Variants in MAP3K21 observed in about 807,000 individuals in gnomAD.
MAP3K21 encodes the protein mitogen-activated protein kinase kinase kinase MLK4.
Under a neutral mutation model 86.1 loss-of-function variants are expected in MAP3K21, and 63 were observed. The observed-to-expected ratio is 0.73, with a 90% CI of 0.60 to 0.90. The LOEUF is 0.90. MAP3K21 is among the 40% of genes least tolerant of loss of function. MAP3K21 has a pLI of 0.00. For missense variants in MAP3K21, 1,220 were observed against 1,367.7 expected, an observed-to-expected ratio of 0.89 and a Z score of 1.70; for synonymous variants, 558 against 564.8, an observed-to-expected ratio of 0.99 and a Z score of 0.17.
rs1373486260 is a variant in MAP3K21, at chr1:233,384,899, A to G, written c.*2188A>G. On this transcript the variant is annotated 3_prime_UTR_variant, in exon 10 of 10. Transcript: ENST00000366624. ...CTGCAGATAGTTAACTTTTGCTGCA[A>G]TCTATTGTACATTTGCAATTTTCTG... 4 of 152,212 alleles carry G rather than the reference A, an allele frequency of 2.6e-5. No homozygotes were observed. The highest frequency in any genetic ancestry group is 9.6e-5 in the African/African-American group (4 of 41,472). 9.4% of individuals were successfully genotyped at this position (152,212 alleles called of 1,614,324 possible).
intron 9 of MAP3K21, among the ~76,000 whole-genome samples, chr1:233,379,924 A>G (rs1663882368): frequency 6.6e-6 from 1 of 152,144 alleles, no homozygotes; most frequent in Admixed American, 6.5e-5. Context: ...AGTAACTGAA[A>G]CCTATAATAG....
chr1:233,365,831 C>A (rs930803242), intron 5 of MAP3K21, among the ~76,000 whole-genome samples: 1 of 151,994 alleles, frequency 6.6e-6, no homozygotes. Context: ...CCAGGAATTC[C>A]ACTACCAGGT....
At chr1:233,347,572 G>A (rs931619515) in intron 2 of MAP3K21, among the ~76,000 whole-genome samples, 1 of 152,172 alleles carries the variant, frequency 6.6e-6, no homozygotes, top group African/African-American at 2.4e-5. Context: ...GTGGAATCAC[G>A]TCCTTTGCAA....
rs571326707 is a variant in MAP3K21 at position 233,369,929 on chromosome 1, G to T, written c.1553-2109G>T. On this transcript the variant is annotated intron_variant, in intron 5 of 9. Coordinates refer to ENST00000366624, the MANE Select transcript of MAP3K21 (RefSeq NM_032435.3). ...GAAAGAAGAACTCAGGCTCAGGTTTGCAGGGACTTCCAGAATGTGTTACAG... is the reference window on the plus strand; with the variant it reads ...GAAAGAAGAACTCAGGCTCAGGTTTTCAGGGACTTCCAGAATGTGTTACAG... Among the ~76,000 whole-genome samples the T allele has an allele frequency of 3.0e-4, 45 of 152,310 alleles. 1 individual carries two copies. The South Asian group carries it at 9.3e-3, about 32-fold the overall frequency.
intron 6 of MAP3K21, 93 bp from the exon 7 acceptor site, chr1:233,375,823 C>A: frequency 1.1e-6 from 1 of 947,366 alleles, no homozygotes; most frequent in Non-Finnish European, 1.6e-6. Context: ...AAGGTAGTTT[C>A]ACAACTGATA....
At chr1:233,349,761 A>C (rs1663213658) in intron 2 of MAP3K21, among the ~76,000 whole-genome samples, 1 of 151,964 alleles carries the variant, frequency 6.6e-6, no homozygotes, top group African/African-American at 2.4e-5. Flanking sequence ...ACATGGTGAA[A>C]CCCCGTCTCT....
At chr1:233,334,095 G>A (rs1169621217) in intron 1 of MAP3K21, among the ~76,000 whole-genome samples, 1 of 151,568 alleles carries the variant, frequency 6.6e-6, no homozygotes, top group African/African-American at 2.4e-5. Context: ...TTGATCTCCT[G>A]ACCTCGTGAT....
intron 4 of MAP3K21, among the ~76,000 whole-genome samples, chr1:233,361,102 A>G (rs1663458909): frequency 6.6e-6 from 1 of 152,260 alleles, no homozygotes; most frequent in Non-Finnish European, 1.5e-5. Flanking sequence ...AAGAATATTT[A>G]TGTCTCTGGT....
intron 6 of MAP3K21, among the ~76,000 whole-genome samples, chr1:233,375,355 C>A (rs1558463212): frequency 6.6e-6 from 1 of 152,072 alleles, no homozygotes; most frequent in Non-Finnish European, 1.5e-5. Context: ...AAAAGCAAGA[C>A]ATGGAAAACT....
chr1:233,355,060 A>G (rs751237596), intron 4 of MAP3K21, 49 bp downstream of exon 4: 5 of 1,377,618 alleles, frequency 3.6e-6, no homozygotes, highest in Non-Finnish European at 5.1e-6. Flanking sequence ...TATGAAAACT[A>G]TGGAAAATAT....
At chr1:233,363,689 C>T (rs570847329) in intron 5 of MAP3K21, among the ~76,000 whole-genome samples, 12 of 112,178 alleles carry the variant, frequency 1.1e-4, no homozygotes, top group African/African-American at 3.6e-4. Context: ...GTGACAAGAG[C>T]GAAACTCTGT....
Position 233,375,983 on chromosome 1 carries a change from T to G in MAP3K21, c.1743T>G (p.Asp581Glu). The G allele has an allele frequency of 6.2e-7, 1 of 1,608,868 alleles. No homozygotes were observed. The highest frequency in any genetic ancestry group is 1.1e-5 in the South Asian group (1 of 89,456). ...NTVFRQEEFE[D>E]VKRNFKKKGC... ...TCTTTCGACAAGAAGAATTTGAGGA[T>G]GTAAAAAGGAATTTTAAGAAAAAAG... The change falls in exon 7 of 10, where the codon GAT (aspartate) becomes GAG (glutamate). Residue 581 changes from aspartate to glutamate, a missense_variant. By Grantham distance (45) the Asp-to-Glu change is conservative. Coordinates refer to ENST00000366624, the MANE Select transcript of MAP3K21 (RefSeq NM_032435.3).
At chr1:233,356,260 A>G (rs1663355691) in intron 4 of MAP3K21, among the ~76,000 whole-genome samples, 1 of 152,130 alleles carries the variant, frequency 6.6e-6, no homozygotes, top group Non-Finnish European at 1.5e-5. Flanking sequence ...TGCTGACGTA[A>G]TTGTTCTTGA....
chr1:233,338,312 T>G (rs1182507852), intron 1 of MAP3K21, among the ~76,000 whole-genome samples: 1 of 152,226 alleles, frequency 6.6e-6, no homozygotes, highest in African/African-American at 2.4e-5. Flanking sequence ...CAACAGTTAC[T>G]TGTTGATCAT....
intron 1 of MAP3K21, 87 bp from the exon 2 acceptor site, chr1:233,346,355 T>C: frequency 3.0e-6 from 3 of 993,908 alleles, no homozygotes; most frequent in Non-Finnish European, 4.5e-6. Context: ...CCAACTACAG[T>C]GAAGATTGTG....
rs71173272 is a variant in MAP3K21, at chr1:233,339,195, T to TTTCTTC, written c.806-7180_806-7175dup. Among the ~76,000 whole-genome samples the TTTCTTC allele has an allele frequency of 2.3e-3, 262 of 115,462 alleles. 20 individuals carry two copies. Among genetic ancestry groups the TTTCTTC allele is most frequent in the Admixed American group, 3.1e-3 (35 of 11,368 alleles). The allele number at this position is 115,462 out of a possible 152,430, so 75.7% of individuals were successfully genotyped here. A position where few individuals can be genotyped will look rare whatever the true frequency, so the allele number is the denominator to read the frequency against. On this transcript the variant is annotated intron_variant, in intron 1 of 9. Transcript: ENST00000366624. ...GCTACAATTATTTTTAAAACAATCATTTCTTCTTCTTCTTCTTCTTCTTCT... is the reference window on the plus strand; with the variant it reads ...GCTACAATTATTTTTAAAACAATCATTTCTTCTTCTTCTTCTTCTTCTTCTTCTTCT...
intron 2 of MAP3K21, among the ~76,000 whole-genome samples, chr1:233,347,698 C>T (rs1157307640): frequency 6.6e-6 from 1 of 152,032 alleles, no homozygotes; most frequent in South Asian, 2.1e-4. Context: ...AGGGATATAA[C>T]GATGGCAACA....
chr1:233,361,962 C>A, intron 4 of MAP3K21, 91 bp from the exon 5 acceptor site: 2 of 1,461,206 alleles, frequency 1.4e-6, no homozygotes, highest in South Asian at 1.4e-5. Flanking sequence ...AGGAGGAGCC[C>A]GTGGCCGAGG....
chr1:233,368,624 C>T lies in MAP3K21; in HGVS notation c.1553-3414C>T, dbSNP rs190861208. ...TGGACTGAGATTGCACCACTGCACT[C>T]CAGCCTGGATAACAGAGTAAAATCT... is the stretch of plus-strand genomic sequence containing the variant. On this transcript the variant is annotated intron_variant, in intron 5 of 9. Transcript: ENST00000366624. Among the ~76,000 whole-genome samples, 892 of 151,832 alleles carry T rather than the reference C, an allele frequency of 5.9e-3. 7 individuals are homozygous for T. Among genetic ancestry groups the T allele is most frequent in the Middle Eastern group, 0.01 (3 of 292 alleles).
Sources: gnomAD v4.1 joint callset for allele counts (sites outside exome capture counted in the v4.1 genomes callset) on GRCh38, gnomAD v4.1.1 for gene constraint, MANE v1.5 for transcripts, NCBI Gene and HGNC (gene_info 2026-07-23, HGNC 2026-07-21) for gene names.